Variants in PXDN observed in about 807,000 individuals in gnomAD.
PXDN encodes peroxidasin homolog.
PXDN carries 77 observed loss-of-function variants against 140.3 expected under a neutral mutation model. That is an observed-to-expected ratio of 0.55 (90% CI 0.46 to 0.66). The LOEUF (loss-of-function observed/expected upper bound fraction) is 0.66, where lower values mean the gene tolerates loss of function less well. Ranked by LOEUF, PXDN falls within the 30% of genes least tolerant of loss-of-function variation. The pLI, the probability that PXDN is intolerant of heterozygous loss-of-function variation, is 0.00. For missense variants in PXDN, 1,838 were observed against 2,039.5 expected, an observed-to-expected ratio of 0.90 and a Z score of 1.90; for synonymous variants, 911 against 857.4, an observed-to-expected ratio of 1.06 and a Z score of -1.09.
Position 1,649,926 on chromosome 2 carries a change from C to A in PXDN, c.2105-251G>T, listed in dbSNP as rs2125412607. On this transcript the variant is annotated intron_variant, in intron 16 of 22. Coordinates refer to ENST00000252804, the MANE Select transcript of PXDN (RefSeq NM_012293.3). The surrounding 1 kb of genome is among the most constrained non-coding windows in gnomAD (Gnocchi z 7.1). Reference sequence around the variant, plus strand: ...GCCCCAGTTTCTGGGCCCTGTCTCCCCTCCCCACTTAGCAGTCTCATGGTT... The same window carrying A: ...GCCCCAGTTTCTGGGCCCTGTCTCCACTCCCCACTTAGCAGTCTCATGGTT... Among the ~76,000 whole-genome samples the A allele has an allele frequency of 6.6e-6, 1 of 152,260 alleles. No individual in the cohort carries two copies. Among genetic ancestry groups the A allele is most frequent in the East Asian group, 1.9e-4 (1 of 5,158 alleles).
intron 3 of PXDN, among the ~76,000 whole-genome samples, chr2:1,691,703 C>T (rs1349659917): frequency 1.3e-5 from 2 of 152,176 alleles, no homozygotes; most frequent in Non-Finnish European, 2.9e-5. Context: ...ATCCACTTTA[C>T]TAAGGCTTAG....
chr2:1,691,866 T>C, intron 3 of PXDN, 62 bp downstream of exon 3: 2 of 1,078,602 alleles, frequency 1.9e-6, no homozygotes, highest in South Asian at 3.3e-5. Flanking sequence ...GAAATTTAGC[T>C]CTATTTTTAA....
At chr2:1,658,234 C>T (rs752536077) in intron 14 of PXDN, among the ~76,000 whole-genome samples, 7 of 149,548 alleles carry the variant, frequency 4.7e-5, no homozygotes, top group Admixed American at 1.3e-4. Flanking sequence ...TTCCACTTCA[C>T]GCTGTTGTCT....
chr2:1,690,648 C>CAAAAAAAAAAAAAAAAAAAAAAAAA (rs35970382), intron 3 of PXDN, among the ~76,000 whole-genome samples: 1 of 68,638 alleles, frequency 1.5e-5, no homozygotes. Flanking sequence ...TTCAAAATAC[C>CAAAAAAAAAAAAAAAAAAAAAAAAA]AAAAAAAAAA....
Position 1,666,321 on chromosome 2 carries a change from C to A in PXDN, c.1184G>T (p.Gly395Val), listed in dbSNP as rs1400588222. The A allele has an allele frequency of 6.2e-7, 1 of 1,614,034 alleles. No individual in the cohort carries two copies. Residue 395 changes from glycine to valine, a missense_variant, in exon 10 of 23, where the codon GGC becomes GTC. Gly to Val is a moderately radical substitution (Grantham distance 109). Coordinates refer to ENST00000252804, the MANE Select transcript of PXDN (RefSeq NM_012293.3). ...TACGACGTTCTGTATGTAAAGCCCG[C>A]CAGAAGGCGTGATGTTCACCCGCGG... ...VDPRVNITPS[G>V]GLYIQNVVQG...
In PXDN at chr2:1,663,729, G is replaced by A; in HGVS notation, c.1443C>T (p.Val481=). 4 of 1,613,400 alleles carry A rather than the reference G, an allele frequency of 2.5e-6. No homozygotes were observed. Among genetic ancestry groups the A allele is most frequent in the Non-Finnish European group, 3.4e-6 (4 of 1,179,892 alleles). ...SQLSVDRRHL[V]LSSGTLRISG... ...AGATTCTAAGTGTTCCCGATGACAG[G>A]ACCAGGTGCCGCCGGTCCACGGAGA... The change falls in exon 12 of 23, where the codon GTC becomes GTT. Residue 481 remains valine (V), a synonymous_variant. Transcript: ENST00000252804.
chr2:1,679,283 ATG>A (rs1485095621), intron 7 of PXDN, among the ~76,000 whole-genome samples: 2 of 131,608 alleles, frequency 1.5e-5, no homozygotes, highest in Non-Finnish European at 3.1e-5. Context: ...TTGTATGTGC[ATG>A]TGTGTGTGGA....
chr2:1,638,787 C>T, intron 21 of PXDN, 59 bp downstream of exon 21: 3 of 1,609,156 alleles, frequency 1.9e-6, no homozygotes, highest in Non-Finnish European at 2.6e-6. Flanking sequence ...AAGGTTCGGG[C>T]AGGGCTGTGC....
At chr2:1,662,880 C>T (rs1319418711) in intron 12 of PXDN, among the ~76,000 whole-genome samples, 1 of 152,294 alleles carries the variant, frequency 6.6e-6, no homozygotes, top group Non-Finnish European at 1.5e-5. Context: ...CCTCCCCGCA[C>T]GACATCTCTG....
chr2:1,657,321 G>A (rs2125418411), intron 14 of PXDN, among the ~76,000 whole-genome samples: 1 of 144,598 alleles, frequency 6.9e-6, no homozygotes, highest in East Asian at 2.1e-4. Flanking sequence ...CCTCCTGACA[G>A]AAACCAGCCC....
chr2:1,649,730 G>GC lies in PXDN; in HGVS notation c.2105-56dup. 6.3e-7 allele frequency: 1 copy of GC among 1,586,462 alleles called. No homozygotes were observed. On this transcript the variant is annotated intron_variant, in intron 16 of 22. Coordinates refer to ENST00000252804, the MANE Select transcript of PXDN (RefSeq NM_012293.3). This position sits in a 1 kb window ranked among gnomAD's most constrained non-coding sequence, Gnocchi z 7.1. ...CAATTCCCCTGGAGGATGTGTGAGG[G>GC]CCCGGTACCCCTTGGCACCTCTGCC...
chr2:1,679,754 G>A (rs530478622), intron 7 of PXDN, among the ~76,000 whole-genome samples: 75 of 147,522 alleles, frequency 5.1e-4, no homozygotes, highest in Non-Finnish European at 2.0e-4. Context: ...GTGTATGTGC[G>A]TGTGTGTGGT....
chr2:1,719,442 AC>A (rs1684966894), intron 1 of PXDN, among the ~76,000 whole-genome samples: 1 of 152,124 alleles, frequency 6.6e-6, no homozygotes, highest in African/African-American at 2.4e-5. Context: ...GGTACATGGA[AC>A]CTAAGAGGGG....
chr2:1,707,230 C>T (rs976044794), intron 1 of PXDN, among the ~76,000 whole-genome samples: 3 of 140,020 alleles, frequency 2.1e-5, no homozygotes, highest in Non-Finnish European at 4.7e-5. Flanking sequence ...AATCTAAGAG[C>T]ACGCTGCAGT....
chr2:1,688,168 C>T (rs1684103518), intron 3 of PXDN, among the ~76,000 whole-genome samples: 1 of 152,202 alleles, frequency 6.6e-6, no homozygotes, highest in South Asian at 2.1e-4. Flanking sequence ...CCTAGAATCC[C>T]ATTCTTAGAA....
rs1417046969 is a variant in PXDN at position 1,633,406 on chromosome 2, T to A, written c.*798A>T. The A allele has an allele frequency of 6.6e-6, 1 of 152,100 alleles. No individual in the cohort carries two copies. The highest frequency in any genetic ancestry group is 2.4e-5 in the African/African-American group (1 of 41,420). The allele number at this position is 152,100 out of a possible 1,614,324, so 9.4% of individuals were successfully genotyped here. A position where few individuals can be genotyped will look rare whatever the true frequency, so the allele number is the denominator to read the frequency against. On this transcript the variant is annotated 3_prime_UTR_variant, in exon 23 of 23. Coordinates refer to ENST00000252804, the MANE Select transcript of PXDN (RefSeq NM_012293.3). Reference sequence around the variant, plus strand: ...TTGGTTCACAACTAGGCAGTATGTGTGCAAGTGACAGCTGAAAGCAAACCT... The same window carrying A: ...TTGGTTCACAACTAGGCAGTATGTGAGCAAGTGACAGCTGAAAGCAAACCT...
At chr2:1,665,158 G>T in intron 10 of PXDN, 84 bp from the exon 11 acceptor site, 1 of 1,015,744 alleles carries the variant, frequency 9.8e-7, no homozygotes, top group Non-Finnish European at 1.5e-6. Flanking sequence ...CCACAGTCTT[G>T]GCAGACGTCT....
At chr2:1,731,984 A>G (rs1194618736) in intron 1 of PXDN, among the ~76,000 whole-genome samples, 1 of 152,056 alleles carries the variant, frequency 6.6e-6, no homozygotes, top group East Asian at 1.9e-4. Flanking sequence ...GATGTTATTT[A>G]TTTTACCACA....
chr2:1,648,182 T>A lies in PXDN; in HGVS notation c.3598A>T (p.Lys1200Ter), dbSNP rs773064491. The part of the protein sequence containing the change: ...NEIKNPEIRE[K>*]LKRLYGSTLN... ...GCCTCTTCAGCTCACCTTTTCAGTT[T>A]CTCCCGGATCTCAGGGTTTTTAATC... Residue 1200 changes from lysine (K) to a stop codon, truncating the protein, a stop_gained, in exon 17 of 23, where the codon AAA (lysine) becomes TAA (stop). Coordinates refer to ENST00000252804, the MANE Select transcript of PXDN (RefSeq NM_012293.3). LOFTEE classifies it high-confidence loss of function. This position sits in a 1 kb window ranked among gnomAD's most constrained non-coding sequence, Gnocchi z 8.9. 1 of 1,611,240 alleles carries A rather than the reference T, an allele frequency of 6.2e-7. No individual in the cohort carries two copies. The highest frequency in any genetic ancestry group is 8.5e-7 in the Non-Finnish European group (1 of 1,177,636).
Sources: gnomAD v4.1 joint callset for allele counts (sites outside exome capture counted in the v4.1 genomes callset) on GRCh38, gnomAD v4.1.1 for gene constraint, Gnocchi (gnomAD v3.1) non-coding constraint, MANE v1.5 for transcripts, NCBI Gene and HGNC (gene_info 2026-07-23, HGNC 2026-07-21) for gene names.